The following GNAQ variants were observed in gnomAD, a reference collection of about 807,000 sequenced individuals.
GNAQ encodes guanine nucleotide-binding protein G(q) subunit alpha.
A neutral mutation model predicts 43.9 loss-of-function variants in GNAQ; 8 were observed. The observed-to-expected ratio is 0.18, with a 90% CI of 0.11 to 0.33. The LOEUF (loss-of-function observed/expected upper bound fraction) is 0.33, where lower values mean the gene tolerates loss of function less well. GNAQ is among the 10% of genes least tolerant of loss of function. The pLI, the probability that GNAQ is intolerant of heterozygous loss-of-function variation, is 1.00. For synonymous variants in GNAQ, 155 were observed against 170.7 expected (o/e 0.91, Z 0.71); for missense variants, 158 against 450.8 (o/e 0.35, Z 5.88).
At chr9:77,764,519 G>A (rs1228749293) in intron 5 of GNAQ, among the ~76,000 whole-genome samples, 5 of 151,482 alleles carry the variant, frequency 3.3e-5, no homozygotes, top group East Asian at 3.9e-4. Flanking sequence ...GCAGTGGCGC[G>A]ATCTCAGCTC....
chr9:77,872,354 C>T (rs1828051310), intron 2 of GNAQ, among the ~76,000 whole-genome samples: 1 of 152,116 alleles, frequency 6.6e-6, no homozygotes, highest in African/African-American at 2.4e-5. Flanking sequence ...AAAAAATAAT[C>T]ATTTCTTTTG....
At chr9:78,019,211 T>A (rs556600457) in intron 1 of GNAQ, among the ~76,000 whole-genome samples, 1 of 152,312 alleles carries the variant, frequency 6.6e-6, no homozygotes, top group African/African-American at 2.4e-5. Context: ...ACAGGTATTT[T>A]CTCCCATATA....
chr9:77,912,510 G>C (rs1292397834), intron 2 of GNAQ, among the ~76,000 whole-genome samples: 2 of 151,894 alleles, frequency 1.3e-5, no homozygotes, highest in African/African-American at 4.8e-5. Flanking sequence ...ACTTTAAAAG[G>C]ACACAAAAAA....
Position 77,797,446 on chromosome 9 carries a change from AG to A in GNAQ, c.605+73del, listed in dbSNP as rs1826675759. On this transcript the variant is annotated intron_variant, in intron 4 of 6. Coordinates refer to ENST00000286548, the MANE Select transcript of GNAQ (RefSeq NM_002072.5). ...TGTTTTGAAGCCTACACATGATTCC[AG>A]TATTTATAGAGTTTACCAAATGTAC... is the stretch of plus-strand genomic sequence containing the variant. 4 of 1,084,436 alleles carry A rather than the reference AG, an allele frequency of 3.7e-6. No individual in the cohort carries two copies. The Admixed American group carries it at 6.9e-5, about 19-fold the overall frequency. The allele number at this position is 1,084,436 out of a possible 1,614,324, so 67.2% of individuals were successfully genotyped here.
At chr9:77,804,052 C>T (rs376605629) in intron 3 of GNAQ, among the ~76,000 whole-genome samples, 4 of 152,198 alleles carry the variant, frequency 2.6e-5, no homozygotes, top group Admixed American at 2.0e-4. Flanking sequence ...AACACTTTCT[C>T]TCTTATGTTT....
At chr9:77,867,750 C>T (rs942139204) in intron 2 of GNAQ, among the ~76,000 whole-genome samples, 22 of 152,148 alleles carry the variant, frequency 1.4e-4, no homozygotes, top group Admixed American at 5.2e-4. Context: ...AATTGCAGTC[C>T]TTTCTAAGAA....
chr9:77,721,719 T>C (rs1825317619), intron 6 of GNAQ, among the ~76,000 whole-genome samples: 1 of 152,134 alleles, frequency 6.6e-6, no homozygotes. Context: ...AAAATGTGGA[T>C]AGGTGAAAGC....
At chr9:77,991,310 G>A (rs1414625164) in intron 1 of GNAQ, among the ~76,000 whole-genome samples, 2 of 152,106 alleles carry the variant, frequency 1.3e-5, no homozygotes, top group African/African-American at 2.4e-5. Context: ...TTTCAGTGAT[G>A]TTCTTCACCT....
At chr9:77,916,542 G>A (rs577506006) in intron 2 of GNAQ, among the ~76,000 whole-genome samples, 1 of 152,232 alleles carries the variant, frequency 6.6e-6, no homozygotes, top group African/African-American at 2.4e-5. Flanking sequence ...TGTGTTTAAC[G>A]AGGTACTTTC....
At chr9:77,848,257 T>G (rs574584707) in intron 2 of GNAQ, among the ~76,000 whole-genome samples, 2 of 152,318 alleles carry the variant, frequency 1.3e-5, no homozygotes, top group South Asian at 2.1e-4. Context: ...CTCAGTAAAG[T>G]TGAAAGTAAA....
At chr9:78,009,282 C>T (rs1017520822) in intron 1 of GNAQ, among the ~76,000 whole-genome samples, 1 of 152,180 alleles carries the variant, frequency 6.6e-6, no homozygotes, top group Non-Finnish European at 1.5e-5. Context: ...CAACAATGTG[C>T]ACTGCCAGGG....
intron 2 of GNAQ, among the ~76,000 whole-genome samples, chr9:77,877,025 G>C (rs1428644323): frequency 6.6e-6 from 1 of 152,076 alleles, no homozygotes; most frequent in Non-Finnish European, 1.5e-5. Flanking sequence ...CATTCAACTA[G>C]ATTGATTTTC....
chr9:77,993,998 G>A (rs982998286), intron 1 of GNAQ, among the ~76,000 whole-genome samples: 5 of 152,014 alleles, frequency 3.3e-5, no homozygotes, highest in Admixed American at 3.3e-4. Flanking sequence ...CAAATATATT[G>A]AGGGGCTTTG....
At chr9:77,783,535 A>T (rs1826429805) in intron 5 of GNAQ, among the ~76,000 whole-genome samples, 2 of 151,872 alleles carry the variant, frequency 1.3e-5, no homozygotes, top group Non-Finnish European at 2.9e-5. Context: ...TTTCCTTCTC[A>T]CGTTGGTCCC....
At chr9:77,993,135 A>G (rs1823529146) in intron 1 of GNAQ, among the ~76,000 whole-genome samples, 1 of 152,346 alleles carries the variant, frequency 6.6e-6, no homozygotes, top group African/African-American at 2.4e-5. Context: ...AATTAAATTC[A>G]GTGCAAGTCA....
chr9:77,843,277 G>A (rs1256004851), intron 2 of GNAQ, among the ~76,000 whole-genome samples: 1 of 152,156 alleles, frequency 6.6e-6, no homozygotes, highest in East Asian at 1.9e-4. Flanking sequence ...GCAGATGGGT[G>A]GAGCATTAGG....
chr9:77,824,738 T>A (rs1049201336), intron 2 of GNAQ, among the ~76,000 whole-genome samples: 1 of 152,034 alleles, frequency 6.6e-6, no homozygotes, highest in Non-Finnish European at 1.5e-5. Context: ...TTTATCAGCA[T>A]GAACTTCTAA....
chr9:78,007,648 T>G (rs1823723845), intron 1 of GNAQ, among the ~76,000 whole-genome samples: 1 of 152,216 alleles, frequency 6.6e-6, no homozygotes, highest in African/African-American at 2.4e-5. Flanking sequence ...AAGGGAATCT[T>G]GATCATTGAA....
chr9:77,920,071 G>A (rs543299704), intron 2 of GNAQ, among the ~76,000 whole-genome samples: 22 of 152,038 alleles, frequency 1.4e-4, no homozygotes, highest in African/African-American at 4.3e-4. Context: ...CCTGAGAGGC[G>A]CAGATTGCAG....
Sources: allele counts gnomAD v4.1 joint callset (sites outside exome capture counted in the v4.1 genomes callset), GRCh38; gene constraint gnomAD v4.1.1; transcripts MANE v1.5; gene names NCBI Gene and HGNC (gene_info 2026-07-23, HGNC 2026-07-21).